Variants in STPG2 observed in about 807,000 individuals in gnomAD.
STPG2 encodes the protein sperm tail PG-rich repeat containing 2.
A neutral mutation model predicts 54.2 loss-of-function variants in STPG2; 56 were observed. That is an observed-to-expected ratio of 1.03 (90% CI 0.83 to 1.29). The LOEUF is 1.29. Among genes scored for constraint, STPG2 ranks in the 50% most tolerant of loss-of-function variants. The pLI, the probability that STPG2 is intolerant of heterozygous loss-of-function variation, is 0.00. For synonymous variants in STPG2, 200 were observed against 181.8 expected, an observed-to-expected ratio of 1.10 and a Z score of -0.81; for missense variants, 596 against 544.9, an observed-to-expected ratio of 1.09 and a Z score of -0.93.
chr4:97,479,537 T>C (rs1730166954), intron 4 of STPG2, among the ~76,000 whole-genome samples: 1 of 151,898 alleles, frequency 6.6e-6, no homozygotes, highest in African/African-American at 2.4e-5. Context: ...AATCTGACAT[T>C]CTATATTAAA....
intron 4 of STPG2, among the ~76,000 whole-genome samples, chr4:97,545,379 G>T (rs1002909103): frequency 6.6e-6 from 1 of 152,106 alleles, no homozygotes; most frequent in Non-Finnish European, 1.5e-5. Context: ...TCTTCACACA[G>T]AGTCCCAGGA....
Position 97,731,602 on chromosome 4 carries a change from T to C in STPG2, c.1205-18788A>G, listed in dbSNP as rs1016824589. On this transcript the variant is annotated intron_variant, in intron 9 of 10. Coordinates refer to ENST00000295268, the MANE Select transcript of STPG2 (RefSeq NM_174952.3). The stretch of plus-strand genomic sequence containing the variant: ...GAACATCTAGTTTTGTCCCAAGCCT[T>C]CTGTGCCCAGATGCCTGGGCTGTTA... Among the ~76,000 whole-genome samples the C allele has an allele frequency of 2.0e-5, 3 of 152,132 alleles. 1 individual carries two copies. Among genetic ancestry groups the C allele is most frequent in the African/African-American group, 7.2e-5 (3 of 41,434 alleles).
At chr4:98,010,479 T>C (rs113830690) in intron 5 of STPG2, among the ~76,000 whole-genome samples, 1,789 of 152,282 alleles carry the variant, frequency 0.012, 27 homozygotes, top group African/African-American at 0.041. Flanking sequence ...TGGATTATAC[T>C]TTCCAACGCT....
intron 4 of STPG2, among the ~76,000 whole-genome samples, chr4:97,463,321 C>T (rs1214054532): frequency 6.6e-6 from 1 of 152,008 alleles, no homozygotes; most frequent in Non-Finnish European, 1.5e-5. Context: ...ATTTCGGACG[C>T]TTTATTAGCT....
chr4:97,464,971 C>T (rs192239852), intron 4 of STPG2, among the ~76,000 whole-genome samples: 51 of 152,198 alleles, frequency 3.4e-4, no homozygotes, highest in Admixed American at 2.2e-3. Flanking sequence ...GTTCTTTCCC[C>T]TGGAAAGCAT....
intron 10 of STPG2, among the ~76,000 whole-genome samples, chr4:97,642,119 C>T (rs1044664122): frequency 1.3e-5 from 2 of 151,300 alleles, no homozygotes; most frequent in East Asian, 3.9e-4. Context: ...GCAACATAAA[C>T]AGATCCAAAG....
chr4:97,855,834 A>G (rs982935031), intron 8 of STPG2, among the ~76,000 whole-genome samples: 2 of 152,076 alleles, frequency 1.3e-5, no homozygotes, highest in African/African-American at 4.8e-5. Flanking sequence ...TCTTCCATTA[A>G]TTTTTGAATA....
At chr4:97,976,758 G>A (rs1442813105) in intron 6 of STPG2, among the ~76,000 whole-genome samples, 1 of 152,036 alleles carries the variant, frequency 6.6e-6, no homozygotes, top group Admixed American at 6.6e-5. Flanking sequence ...TAAGATTCTA[G>A]ATTACGTTTT....
intron 4 of STPG2, among the ~76,000 whole-genome samples, chr4:97,522,777 T>C (rs1357578773): frequency 2.0e-5 from 3 of 151,946 alleles, no homozygotes; most frequent in Non-Finnish European, 4.4e-5. Context: ...GTTGGGCAGA[T>C]GAAGAATAAA....
chr4:97,958,950 C>A (rs1023067852), intron 7 of STPG2, among the ~76,000 whole-genome samples: 3 of 152,114 alleles, frequency 2.0e-5, no homozygotes, highest in African/African-American at 4.8e-5. Context: ...GCAATGTTCT[C>A]CAAGATAGAC....
chr4:97,691,427 C>A (rs775945769), intron 10 of STPG2, among the ~76,000 whole-genome samples: 26 of 151,996 alleles, frequency 1.7e-4, no homozygotes, highest in Non-Finnish European at 3.1e-4. Flanking sequence ...CCTTGGTGAC[C>A]TGTATGATGT....
chr4:97,868,687 C>T (rs1487444859), intron 8 of STPG2, among the ~76,000 whole-genome samples: 1 of 151,842 alleles, frequency 6.6e-6, no homozygotes, highest in Non-Finnish European at 1.5e-5. Flanking sequence ...AACTCCCCAT[C>T]TCAGACAGCT....
chr4:97,490,503 T>C (rs1378542914), intron 4 of STPG2, among the ~76,000 whole-genome samples: 1 of 151,606 alleles, frequency 6.6e-6, no homozygotes, highest in Non-Finnish European at 1.5e-5. Context: ...TCAGCCTCTA[T>C]CTGTACATTC....
At chr4:97,611,842 A>G (rs918676290) in intron 10 of STPG2, among the ~76,000 whole-genome samples, 5 of 152,070 alleles carry the variant, frequency 3.3e-5, no homozygotes, top group Non-Finnish European at 7.4e-5. Context: ...CAAAAAAAGT[A>G]TAATATTAAA....
At chr4:97,512,646 TA>T (rs1730995847) in intron 4 of STPG2, among the ~76,000 whole-genome samples, 2 of 151,468 alleles carry the variant, frequency 1.3e-5, no homozygotes, top group Admixed American at 1.3e-4. Context: ...AAAGAAAAGA[TA>T]GGGGTGGGAG....
At chr4:97,860,448 T>C (rs1729483774) in intron 8 of STPG2, among the ~76,000 whole-genome samples, 1 of 151,608 alleles carries the variant, frequency 6.6e-6, no homozygotes, top group African/African-American at 2.4e-5. Context: ...TTCACCTCCT[T>C]GGTCAGGTAT....
intron 2 of STPG2, among the ~76,000 whole-genome samples, chr4:98,133,846 C>T (rs1290259670): frequency 1.3e-5 from 2 of 151,930 alleles, no homozygotes; most frequent in East Asian, 3.9e-4. Context: ...AAAGGTGATA[C>T]TCATGACTAT....
At chr4:97,897,381 C>A (rs1391297921) in intron 8 of STPG2, among the ~76,000 whole-genome samples, 3 of 151,804 alleles carry the variant, frequency 2.0e-5, no homozygotes, top group East Asian at 3.9e-4. Flanking sequence ...ATACATGTGT[C>A]TTTATAACAG....
chr4:97,547,345 A>G (rs1262248119), intron 4 of STPG2, among the ~76,000 whole-genome samples: 2 of 151,814 alleles, frequency 1.3e-5, no homozygotes, highest in South Asian at 2.1e-4. Context: ...TGAATAGCTG[A>G]GACTACAGAA....
Sources: gnomAD v4.1 joint callset for allele counts (sites outside exome capture counted in the v4.1 genomes callset) on GRCh38, gnomAD v4.1.1 for gene constraint, MANE v1.5 for transcripts, NCBI Gene and HGNC (gene_info 2026-07-23, HGNC 2026-07-21) for gene names.